EYS: variants seen among roughly 807,000 people sequenced by gnomAD.
The protein encoded by EYS is EGF-like photoreceptor maintenance factor.
A neutral mutation model predicts 282.1 loss-of-function variants in EYS; 250 were observed. That is an observed-to-expected ratio of 0.89 (90% confidence interval 0.80 to 0.98). The LOEUF is 0.98. EYS is among the 50% of genes least tolerant of loss of function. The pLI is 0.00. For missense variants in EYS, 4,016 were observed against 3,709.0 expected, an observed-to-expected ratio of 1.08 and a Z score of -2.15; for synonymous variants, 1,355 against 1,282.9, an observed-to-expected ratio of 1.06 and a Z score of -1.20.
chr6:63,875,395 T>A (rs1772940236), intron 35 of EYS, among the ~76,000 whole-genome samples: 1 of 152,226 alleles, frequency 6.6e-6, no homozygotes, highest in South Asian at 2.1e-4. Flanking sequence ...TGAGGATTTT[T>A]GCATTGATGT....
Position 64,121,280 on chromosome 6 carries a change from C to T in EYS, c.6425-39278G>A, listed in dbSNP as rs550606791. Among the ~76,000 whole-genome samples the T allele has an allele frequency of 3.9e-5, 6 of 152,272 alleles. No homozygotes were observed. In the East Asian group the frequency reaches 1.2e-3, roughly 29 times the overall value. On this transcript the variant is annotated intron_variant, in intron 31 of 42. Coordinates refer to ENST00000503581, the MANE Select transcript of EYS (RefSeq NM_001142800.2). The stretch of plus-strand genomic sequence containing the variant: ...CATCTTACTACATTCATAGGTTAAC[C>T]CACATTCAAAAGGAGATAATTATGT...
intron 36 of EYS, among the ~76,000 whole-genome samples, chr6:63,833,842 C>A (rs989133847): frequency 6.6e-6 from 1 of 152,002 alleles, no homozygotes; most frequent in African/African-American, 2.4e-5. Context: ...AAACAGCATG[C>A]TACTGGTACC....
In EYS at chr6:64,374,408, G is replaced by GGTGGGT. The variant is rs1257215668; in HGVS notation, c.6078+14276_6078+14281dup. ...GTTCTCTGCTTCAGTGTAGAAGGCTGGTGGGTGTGGGGTGGGTGCAGGGGA... is the reference window on the plus strand; with the variant it reads ...GTTCTCTGCTTCAGTGTAGAAGGCTGGTGGGTGTGGGTGTGGGGTGGGTGCAGGGGA... On this transcript the variant is annotated intron_variant, in intron 29 of 42. Coordinates refer to ENST00000503581, the MANE Select transcript of EYS (RefSeq NM_001142800.2). Among the ~76,000 whole-genome samples, 3 of 152,080 alleles carry GGTGGGT rather than the reference G, an allele frequency of 2.0e-5. No individual in the cohort carries two copies. In the East Asian group the frequency reaches 5.8e-4, roughly 30 times the overall value.
At chr6:64,199,211 G>T (rs1056092710) in intron 31 of EYS, among the ~76,000 whole-genome samples, 5 of 152,154 alleles carry the variant, frequency 3.3e-5, no homozygotes, top group Non-Finnish European at 5.9e-5. Flanking sequence ...AACAAAAATA[G>T]CATGGTACTG....
intron 12 of EYS, among the ~76,000 whole-genome samples, chr6:65,136,437 C>G (rs1245017089): frequency 6.6e-6 from 1 of 151,964 alleles, no homozygotes; most frequent in Non-Finnish European, 1.5e-5. Context: ...ATAGGACTAT[C>G]TGAGCTACTT....
intron 11 of EYS, chr6:65,331,479 A>T (rs1180850873): frequency 1.1e-6 from 1 of 887,806 alleles, no homozygotes. Context: ...ACTTAATTTT[A>T]TATAAAATAC....
At chr6:64,649,583 C>G (rs1220497939) in intron 22 of EYS, among the ~76,000 whole-genome samples, 1 of 152,124 alleles carries the variant, frequency 6.6e-6, no homozygotes, top group Non-Finnish European at 1.5e-5. Context: ...CATGTTCTGC[C>G]TGCCTCAGCC....
At chr6:64,280,097 C>T (rs1033295734) in intron 30 of EYS, among the ~76,000 whole-genome samples, 12 of 152,080 alleles carry the variant, frequency 7.9e-5, no homozygotes, top group African/African-American at 2.7e-4. Context: ...TGCTCTCTCA[C>T]GTATAAATTA....
chr6:65,139,393 A>G (rs1477448853), intron 12 of EYS, among the ~76,000 whole-genome samples: 2 of 152,046 alleles, frequency 1.3e-5, no homozygotes, highest in African/African-American at 4.8e-5. Context: ...GAGTACCTAT[A>G]GACACAAAGA....
intron 41 of EYS, among the ~76,000 whole-genome samples, chr6:63,751,335 C>T (rs868803055): frequency 6.6e-6 from 1 of 152,088 alleles, no homozygotes; most frequent in Admixed American, 6.5e-5. Flanking sequence ...TTGACTTTAG[C>T]CACAGCTCTT....
At chr6:64,616,597 G>A (rs963232366) in intron 24 of EYS, among the ~76,000 whole-genome samples, 2 of 151,964 alleles carry the variant, frequency 1.3e-5, no homozygotes, top group Non-Finnish European at 2.9e-5. Context: ...AGAGACTCTT[G>A]GTTCTGGTTT....
At chr6:63,890,838 A>C (rs321516) in intron 35 of EYS, among the ~76,000 whole-genome samples, 151,745 of 152,182 alleles carry the variant, frequency 1, 75,656 homozygotes, top group Middle Eastern at 1. Context: ...ACAAAATAGA[A>C]CACAAGCCAG....
intron 36 of EYS, among the ~76,000 whole-genome samples, chr6:63,817,045 A>G (rs146784766): frequency 1.1e-4 from 17 of 152,348 alleles, no homozygotes; most frequent in African/African-American, 3.8e-4. Context: ...TTATGTTGTG[A>G]TACTGTCCTG....
At position 65,125,286 on chromosome 6, in the gene EYS, G is replaced by A. The variant is rs1282538974; in HGVS notation, c.2024-67559C>T. On this transcript the variant is annotated intron_variant, in intron 12 of 42. Transcript: ENST00000503581. ...CATGAAGCAAAGCCAATGTCATTAG[G>A]ATTGTTCAGTGTAGACAATTCATCT... Among the ~76,000 whole-genome samples the A allele has an allele frequency of 2.6e-5, 4 of 152,116 alleles. No individual in the cohort carries two copies. In the East Asian group the frequency reaches 5.8e-4, roughly 22 times the overall value.
At chr6:64,358,323 C>T (rs562375023) in intron 29 of EYS, among the ~76,000 whole-genome samples, 1 of 151,588 alleles carries the variant, frequency 6.6e-6, no homozygotes. Flanking sequence ...GTATGTTAAA[C>T]CTGCTTCAAA....
intron 23 of EYS, among the ~76,000 whole-genome samples, chr6:64,624,063 A>T (rs1452441348): frequency 6.6e-6 from 1 of 152,158 alleles, no homozygotes; most frequent in African/African-American, 2.4e-5. Context: ...TTTCACTCCC[A>T]TGACTAAGTT....
chr6:64,113,300 G>T (rs192909759), intron 31 of EYS, among the ~76,000 whole-genome samples: 1 of 152,138 alleles, frequency 6.6e-6, no homozygotes, highest in East Asian at 1.9e-4. Context: ...TATAACATAG[G>T]CTTTGAACAG....
At chr6:64,376,511 C>A (rs959642222) in intron 29 of EYS, among the ~76,000 whole-genome samples, 13 of 152,316 alleles carry the variant, frequency 8.5e-5, no homozygotes, top group African/African-American at 2.9e-4. Flanking sequence ...CTGCTCCACG[C>A]ATACTGAGAA....
At chr6:65,093,654 G>A in intron 12 of EYS, among the ~76,000 whole-genome samples, 1 of 151,702 alleles carries the variant, frequency 6.6e-6, no homozygotes, top group East Asian at 1.9e-4. Flanking sequence ...AAATATATCA[G>A]AGTATGTCAC....
Sources: gnomAD v4.1 joint callset for allele counts (sites outside exome capture counted in the v4.1 genomes callset) on GRCh38, gnomAD v4.1.1 for gene constraint, MANE v1.5 for transcripts, NCBI Gene and HGNC (gene_info 2026-07-23, HGNC 2026-07-21) for gene names.